Variants in NUBPL observed in about 807,000 individuals in gnomAD.
The protein encoded by NUBPL is NUBP iron-sulfur cluster assembly factor, mitochondrial.
In NUBPL, 31 loss-of-function variants were observed where a neutral mutation model predicts 45.7. The observed-to-expected ratio is 0.68, with a 90% confidence interval of 0.51 to 0.92. NUBPL has a LOEUF of 0.92. Ranked by LOEUF, NUBPL falls within the 40% of genes least tolerant of loss-of-function variation. The pLI, the probability that NUBPL is intolerant of heterozygous loss-of-function variation, is 0.00. For missense variants in NUBPL, 401 were observed against 398.7 expected, an observed-to-expected ratio of 1.01 and a Z score of -0.05; for synonymous variants, 144 against 140.9, an observed-to-expected ratio of 1.02 and a Z score of -0.15.
chr14:31,709,924 T>C (rs1039836180), intron 6 of NUBPL, among the ~76,000 whole-genome samples: 17 of 152,318 alleles, frequency 1.1e-4, no homozygotes, highest in African/African-American at 3.8e-4. Flanking sequence ...TGATAGGTCC[T>C]CCTGTGGGAT....
intron 6 of NUBPL, among the ~76,000 whole-genome samples, chr14:31,696,247 G>A (rs566750452): frequency 6.6e-6 from 1 of 152,278 alleles, no homozygotes; most frequent in South Asian, 2.1e-4. Flanking sequence ...TTATTGATCA[G>A]TCTTCTTGGG....
At chr14:31,808,132 G>T (rs953290286) in intron 7 of NUBPL, among the ~76,000 whole-genome samples, 5 of 152,188 alleles carry the variant, frequency 3.3e-5, no homozygotes, top group Admixed American at 2.0e-4. Flanking sequence ...ATATGAACTT[G>T]AAAGTAGTTT....
chr14:31,635,542 C>T (rs894498988), intron 4 of NUBPL, among the ~76,000 whole-genome samples: 1 of 151,936 alleles, frequency 6.6e-6, no homozygotes, highest in African/African-American at 2.4e-5. Flanking sequence ...CAGCTTTGTT[C>T]TTTTGGCTCA....
intron 3 of NUBPL, among the ~76,000 whole-genome samples, chr14:31,583,877 C>T (rs762461305): frequency 3.9e-5 from 6 of 151,938 alleles, no homozygotes; most frequent in Non-Finnish European, 8.8e-5. Context: ...CAAGGATGAC[C>T]GCTATTGCAG....
intron 6 of NUBPL, among the ~76,000 whole-genome samples, chr14:31,763,530 T>G (rs2038856341): frequency 6.6e-6 from 1 of 152,148 alleles, no homozygotes; most frequent in South Asian, 2.1e-4. Context: ...AGAGAAACAC[T>G]GAGAGAGAGA....
At position 31,701,653 on chromosome 14, in the gene NUBPL, G is replaced by A. The variant is rs150531113; in HGVS notation, c.513+28079G>A. ...CTGGAAGGAATGAACAACTCCAGGT[G>A]TGCCACCTTTAAGAGCTGTAACACT... On this transcript the variant is annotated intron_variant, in intron 6 of 10. Coordinates refer to ENST00000281081, the MANE Select transcript of NUBPL (RefSeq NM_025152.3). Among the ~76,000 whole-genome samples, 857 of 152,272 alleles carry A rather than the reference G, an allele frequency of 5.6e-3. 7 individuals carry two copies. The highest frequency in any genetic ancestry group is 8.4e-3 in the Non-Finnish European group (573 of 68,026).
intron 7 of NUBPL, among the ~76,000 whole-genome samples, chr14:31,798,983 T>C (rs2039527399): frequency 6.6e-6 from 1 of 151,926 alleles, no homozygotes; most frequent in African/African-American, 2.4e-5. Flanking sequence ...TTCTAGAAAC[T>C]ACAGGAACAC....
At chr14:31,737,738 C>G (rs527794788) in intron 6 of NUBPL, among the ~76,000 whole-genome samples, 1 of 152,266 alleles carries the variant, frequency 6.6e-6, no homozygotes, top group East Asian at 1.9e-4. Context: ...GAGCTGAAAT[C>G]ATGCCACTTC....
At chr14:31,578,859 G>A (rs1036942169) in intron 3 of NUBPL, among the ~76,000 whole-genome samples, 21 of 152,296 alleles carry the variant, frequency 1.4e-4, no homozygotes, top group African/African-American at 5.1e-4. Context: ...TGAGTTGGGA[G>A]GAAGAACTGT....
chr14:31,790,981 C>T (rs1349993546), intron 7 of NUBPL, among the ~76,000 whole-genome samples: 3 of 152,014 alleles, frequency 2.0e-5, no homozygotes, highest in Admixed American at 1.3e-4. Context: ...TGAAAGATTG[C>T]ATTAATGCCA....
In NUBPL at chr14:31,706,570, G is replaced by A. The variant is rs186305135; in HGVS notation, c.513+32996G>A. On this transcript the variant is annotated intron_variant, in intron 6 of 10. Transcript: ENST00000281081. ...TCAGAAGCCTTTTCCTGTAAATGCC[G>A]GGTGGCATCTTCTACTATCCCTTAC... Among the ~76,000 whole-genome samples, 421 of 152,256 alleles carry A rather than the reference G, an allele frequency of 2.8e-3. 1 individual carries two copies. The highest frequency in any genetic ancestry group is 8.9e-3 in the African/African-American group (369 of 41,554).
At chr14:31,815,647 A>T (rs962555128) in intron 7 of NUBPL, among the ~76,000 whole-genome samples, 1 of 152,152 alleles carries the variant, frequency 6.6e-6, no homozygotes, top group Non-Finnish European at 1.5e-5. Flanking sequence ...GCTTTTGCCC[A>T]TTCAGTATGA....
In NUBPL at chr14:31,689,274, C is replaced by T. The variant is rs549259260; in HGVS notation, c.513+15700C>T. The stretch of plus-strand genomic sequence containing the variant: ...TCCACAATGGTTGAGCTAATTTACA[C>T]TCCCATCAACAGTGTATATATAAGT... On this transcript the variant is annotated intron_variant, in intron 6 of 10. Coordinates refer to ENST00000281081, the MANE Select transcript of NUBPL (RefSeq NM_025152.3). Among the ~76,000 whole-genome samples the T allele has an allele frequency of 1.1e-4, 16 of 152,314 alleles. No individual in the cohort carries two copies. In the East Asian group the frequency reaches 2.1e-3, roughly 20 times the overall value.
chr14:31,683,630 CG>C (rs2036888466), intron 6 of NUBPL, among the ~76,000 whole-genome samples: 1 of 152,084 alleles, frequency 6.6e-6, no homozygotes, highest in African/African-American at 2.4e-5. Context: ...GGATTACAGG[CG>C]TGAGCCACCG....
rs779297699 is a variant in NUBPL at position 31,711,348 on chromosome 14, C to T, written c.513+37774C>T. Among the ~76,000 whole-genome samples the T allele has an allele frequency of 3.9e-4, 59 of 152,116 alleles. 1 individual carries two copies. The highest frequency in any genetic ancestry group is 2.1e-3 in the Admixed American group (32 of 15,282). ...ACCCGTGTCTTTAGTCTGGTTGCCGCGCTAGTAGCTTTTAACTGGCCGACA... is the reference window on the plus strand; with the variant it reads ...ACCCGTGTCTTTAGTCTGGTTGCCGTGCTAGTAGCTTTTAACTGGCCGACA... On this transcript the variant is annotated intron_variant, in intron 6 of 10. Transcript: ENST00000281081.
At chr14:31,589,627 A>T (rs1024194080) in intron 3 of NUBPL, among the ~76,000 whole-genome samples, 10 of 152,118 alleles carry the variant, frequency 6.6e-5, no homozygotes, top group African/African-American at 2.4e-4. Flanking sequence ...CCAATCTTCT[A>T]TTAGGTATTT....
At chr14:31,769,662 T>TA (rs397972624) in intron 6 of NUBPL, among the ~76,000 whole-genome samples, 5,478 of 149,224 alleles carry the variant, frequency 0.037, 289 homozygotes, top group African/African-American at 0.12. Flanking sequence ...TCCTTTTTTT[T>TA]AAAAAAAAAA....
intron 4 of NUBPL, among the ~76,000 whole-genome samples, chr14:31,612,719 C>T (rs1439896217): frequency 6.6e-6 from 1 of 151,886 alleles, no homozygotes; most frequent in African/African-American, 2.4e-5. Flanking sequence ...TACTGATCAT[C>T]AGAGAAATGC....
intron 4 of NUBPL, among the ~76,000 whole-genome samples, chr14:31,629,561 C>T (rs1265535867): frequency 4.6e-5 from 7 of 152,272 alleles, no homozygotes; most frequent in East Asian, 1.9e-4. Context: ...AAGTTGTCCT[C>T]AAGCTACTTG....
Sources: gnomAD v4.1 joint callset for allele counts (sites outside exome capture counted in the v4.1 genomes callset) on GRCh38, gnomAD v4.1.1 for gene constraint, MANE v1.5 for transcripts, NCBI Gene and HGNC (gene_info 2026-07-23, HGNC 2026-07-21) for gene names.